Variants in HEG1 observed in about 807,000 individuals in gnomAD.
The protein encoded by HEG1 is heart development protein with EGF like domains 1.
In HEG1, 56 loss-of-function variants were observed where a neutral mutation model predicts 125.6. The ratio of observed to expected loss-of-function variants is 0.45; its 90% CI spans 0.36 to 0.56. The LOEUF (loss-of-function observed/expected upper bound fraction) is 0.56. Ranked by LOEUF, HEG1 falls within the 20% of genes least tolerant of loss-of-function variation. The probability of loss-of-function intolerance (pLI) is 0.00; values close to 1 mark genes in which losing one functional copy is unlikely to be tolerated. For synonymous variants in HEG1, 644 were observed against 668.5 expected (o/e 0.96, Z 0.57); for missense variants, 1,523 against 1,670.0 (o/e 0.91, Z 1.53).
chr3:125,045,495 C>CAG (rs1188583842), intron 1 of HEG1, among the ~76,000 whole-genome samples: 1 of 152,176 alleles, frequency 6.6e-6, no homozygotes, highest in East Asian at 1.9e-4. Context: ...GAGGGGGAGG[C>CAG]AGAAGGTCAA....
intron 9 of HEG1, 121 bp from the exon 10 acceptor site, chr3:125,002,436 G>T: frequency 1.3e-6 from 1 of 798,030 alleles, no homozygotes; most frequent in Non-Finnish European, 2.0e-6. Flanking sequence ...TCAGCACGCG[G>T]CTTTGCACAG....
chr3:124,992,612 C>T (rs1384617546), intron 12 of HEG1, among the ~76,000 whole-genome samples: 3 of 152,186 alleles, frequency 2.0e-5, no homozygotes, highest in Admixed American at 6.6e-5. Context: ...AGGGGGCTGG[C>T]GAGTGATGCC....
At chr3:125,042,935 G>C (rs1471625893) in intron 1 of HEG1, among the ~76,000 whole-genome samples, 1 of 152,226 alleles carries the variant, frequency 6.6e-6, no homozygotes, top group Non-Finnish European at 1.5e-5. Context: ...AATGATTTTG[G>C]GTGGAGGACG....
Position 125,013,028 on chromosome 3 carries a change from G to A in HEG1, c.2551C>T (p.Gln851Ter). Residue 851 changes from glutamine to a stop codon, truncating the protein, a stop_gained, in exon 6 of 17, where the codon CAG becomes TAG. Transcript: ENST00000311127. LOFTEE classifies it high-confidence loss of function. ...TFTTTILKTS[Q>*]PLMTTPGTLS... ...GTGCCAGGAGTGGTCATAAGAGGCT[G>A]AGAGGTCTTCAGAATGGTAGTTGTG... 4 of 1,614,030 alleles carry A rather than the reference G, an allele frequency of 2.5e-6. No individual in the cohort carries two copies. The highest frequency in any genetic ancestry group is 3.4e-6 in the Non-Finnish European group (4 of 1,179,900).
In HEG1 at chr3:124,970,777, G is replaced by A. The variant is rs1192078620; in HGVS notation, c.4021C>T (p.Leu1341Phe). The change falls in exon 17 of 17, where the codon CTT becomes TTT. Residue 1341 changes from leucine (L) to phenylalanine (F), a missense_variant. Leu to Phe is a conservative substitution (Grantham distance 22, BLOSUM62 0). Coordinates refer to ENST00000311127, the MANE Select transcript of HEG1 (RefSeq NM_020733.2). ...GCCGGGTAGAGTCCGTTTCGTTCAA[G>A]TTCTGGATTCCTTACACTTGTAGGC... ...YSPTSVRNPE[L>F]ERNGLYPAYT... 1.9e-6 allele frequency: 3 copies of A among 1,609,952 alleles called. No individual in the cohort carries two copies. Among genetic ancestry groups the A allele is most frequent in the Admixed American group, 3.4e-5 (2 of 59,504 alleles).
chr3:125,020,011 G>C (rs890036972), intron 4 of HEG1, among the ~76,000 whole-genome samples: 2 of 152,168 alleles, frequency 1.3e-5, no homozygotes, highest in Admixed American at 1.3e-4. Flanking sequence ...AAATACCAAA[G>C]TATAGCAAAA....
chr3:125,049,327 C>G (rs1323370663), intron 1 of HEG1, among the ~76,000 whole-genome samples: 1 of 152,210 alleles, frequency 6.6e-6, no homozygotes, highest in Non-Finnish European at 1.5e-5. Context: ...ATCTGCCAAT[C>G]CACAGCCAAC....
At chr3:125,035,286 A>G (rs2107709806) in intron 1 of HEG1, among the ~76,000 whole-genome samples, 1 of 152,340 alleles carries the variant, frequency 6.6e-6, no homozygotes, top group Admixed American at 6.5e-5. Context: ...AAATTTCCCA[A>G]ACTAATGAGA....
At chr3:125,037,238 G>T (rs1212335424) in intron 1 of HEG1, among the ~76,000 whole-genome samples, 1 of 152,090 alleles carries the variant, frequency 6.6e-6, no homozygotes, top group African/African-American at 2.4e-5. Context: ...ATGACAAATT[G>T]TCTCCTAAGA....
At chr3:125,023,192 TCAAA>T (rs1302998026) in intron 3 of HEG1, among the ~76,000 whole-genome samples, 1 of 150,970 alleles carries the variant, frequency 6.6e-6, no homozygotes, top group African/African-American at 2.4e-5. Flanking sequence ...AGACTTGGTC[TCAAA>T]CAAACAAAAA....
In HEG1 at chr3:124,980,169, C is replaced by T. The variant is rs1202133298; in HGVS notation, c.3734-2223G>A. 3.9e-5 allele frequency among the ~76,000 whole-genome samples: 6 copies of T among 152,228 alleles called. No homozygotes were observed. The East Asian group carries it at 1.2e-3, about 29-fold the overall frequency. Reference sequence around the variant, plus strand: ...CAACATGGCTCTGAGCTACCATCATCCCTTGTCTGGACAACTGCAGCTGCT... The same window carrying T: ...CAACATGGCTCTGAGCTACCATCATTCCTTGTCTGGACAACTGCAGCTGCT... On this transcript the variant is annotated intron_variant, in intron 14 of 16. Coordinates refer to ENST00000311127, the MANE Select transcript of HEG1 (RefSeq NM_020733.2).
chr3:124,978,022 C>T, intron 14 of HEG1, 76 bp from the exon 15 acceptor site: 2 of 1,109,640 alleles, frequency 1.8e-6, no homozygotes, highest in Non-Finnish European at 2.6e-6. Context: ...GAATGGTCTC[C>T]CCTGACTCTA....
Position 125,027,190 on chromosome 3 carries a change from G to C in HEG1, c.913+15C>G, listed in dbSNP as rs1221144776. 1 of 1,569,952 alleles carries C rather than the reference G, an allele frequency of 6.4e-7. No individual in the cohort carries two copies. Among genetic ancestry groups the C allele is most frequent in the Non-Finnish European group, 8.6e-7 (1 of 1,158,582 alleles). On this transcript the variant is annotated intron_variant, in intron 3 of 16. Coordinates refer to ENST00000311127, the MANE Select transcript of HEG1 (RefSeq NM_020733.2). ...GAGTGACTTCCGAGTGTTAAGCTGG[G>C]TATGTGGCACTCACATGAGGAAAGG... is the stretch of plus-strand genomic sequence containing the variant.
Position 125,027,224 on chromosome 3 carries a change from A to C in HEG1, c.894T>G (p.Pro298=), listed in dbSNP as rs774228989. Residue 298 remains proline, a synonymous_variant, in exon 3 of 17, where the codon CCT becomes CCG. Coordinates refer to ENST00000311127, the MANE Select transcript of HEG1 (RefSeq NM_020733.2). ...LHFYRTAASS[P]LLDLSSSSES... is the part of the protein sequence containing the mutation. ...ACTCACATGAGGAAAGGTCTAAGAG[A>C]GGAGAGGAAGCTGCTGTCCTGTAGA... The C allele has an allele frequency of 1.2e-6, 2 of 1,607,990 alleles. No individual in the cohort carries two copies. The highest frequency in any genetic ancestry group is 2.2e-5 in the South Asian group (2 of 89,556).
chr3:124,969,508 G>C lies in HEG1; in HGVS notation c.*1144C>G, dbSNP rs1189449644. ...AATAAACAGCTTTGAGTGGTTGAAA[G>C]TTTACATGGGGTTTGTGGACATGAG... On this transcript the variant is annotated 3_prime_UTR_variant, in exon 17 of 17. Coordinates refer to ENST00000311127, the MANE Select transcript of HEG1 (RefSeq NM_020733.2). The C allele has an allele frequency of 6.6e-6, 1 of 152,266 alleles. No individual in the cohort carries two copies. The highest frequency in any genetic ancestry group is 2.4e-5 in the African/African-American group (1 of 41,460). 9.4% of individuals were successfully genotyped at this position (152,266 alleles called of 1,614,324 possible).
At chr3:125,023,909 A>G (rs899250055) in intron 3 of HEG1, among the ~76,000 whole-genome samples, 1 of 152,212 alleles carries the variant, frequency 6.6e-6, no homozygotes, top group African/African-American at 2.4e-5. Context: ...TCAGGAACAC[A>G]TCGGAACGCT....
At chr3:125,022,425 G>C (rs1937348685) in intron 3 of HEG1, among the ~76,000 whole-genome samples, 1 of 149,258 alleles carries the variant, frequency 6.7e-6, no homozygotes, top group South Asian at 2.1e-4. Context: ...GAGAGAGAGA[G>C]CATGCATGGG....
intron 1 of HEG1, 132 bp from the exon 2 acceptor site, chr3:125,029,620 T>C: frequency 1.2e-6 from 1 of 816,864 alleles, no homozygotes; most frequent in Non-Finnish European, 1.9e-6. Context: ...CCAGGCATGA[T>C]GGCTCACACC....
At chr3:125,003,392 G>A (rs1347488219) in intron 9 of HEG1, among the ~76,000 whole-genome samples, 3 of 152,214 alleles carry the variant, frequency 2.0e-5, no homozygotes, top group African/African-American at 7.2e-5. Context: ...ATATCCACCT[G>A]CAGCACGACC....
Sources: allele counts gnomAD v4.1 joint callset (sites outside exome capture counted in the v4.1 genomes callset), GRCh38; gene constraint gnomAD v4.1.1; transcripts MANE v1.5; gene names NCBI Gene and HGNC (gene_info 2026-07-23, HGNC 2026-07-21).